ACAT2: variants seen among roughly 807,000 people sequenced by gnomAD.
ACAT2 encodes acetyl-CoA acetyltransferase, cytosolic.
Under a neutral mutation model 37.1 loss-of-function variants are expected in ACAT2, and 26 were observed. The observed-to-expected ratio is 0.70, with a 90% confidence interval of 0.51 to 0.97. ACAT2 has a LOEUF of 0.97. Among genes scored for constraint, ACAT2 ranks in the 50% least tolerant of loss-of-function variants. The pLI, the probability that ACAT2 is intolerant of heterozygous loss-of-function variation, is 0.00. For synonymous variants in ACAT2, 156 were observed against 163.6 expected, an observed-to-expected ratio of 0.95 and a Z score of 0.35; for missense variants, 468 against 489.0, an observed-to-expected ratio of 0.96 and a Z score of 0.40.
intron 1 of ACAT2, 26 bp from the exon 2 acceptor site, chr6:159,762,893 C>G: frequency 3.1e-6 from 5 of 1,605,586 alleles, no homozygotes; most frequent in Non-Finnish European, 4.3e-6. Flanking sequence ...CTTGTGATGT[C>G]CACGCTCTCC....
chr6:159,762,320 C>A (rs1562473872), intron 1 of ACAT2, 178 bp downstream of exon 1: 2 of 1,206,584 alleles, frequency 1.7e-6, no homozygotes, highest in Non-Finnish European at 2.2e-6. Context: ...CCTGGTGCTA[C>A]AGCCCCACCC....
rs1003184930 is a variant in ACAT2 at position 159,766,019 on chromosome 6, T to C, written c.191-986T>C. Among the ~76,000 whole-genome samples the C allele has an allele frequency of 3.9e-5, 6 of 152,238 alleles. 1 individual carries two copies. The South Asian group carries it at 1.2e-3, about 31-fold the overall frequency. ...GATAACAGACAATGGCGATTGAGAA[T>C]ATTTGAAACTTTTAACTCCATTCTC... On this transcript the variant is annotated intron_variant, in intron 2 of 8. Transcript: ENST00000367048.
Position 159,762,071 on chromosome 6 carries a change from G to T in ACAT2, c.-17G>T. ...GCTTGCAGGCAGCGCAGGGCAGACGGCGGCAGGAGAAGCAAGATGAATGCA... is the reference window on the plus strand; with the variant it reads ...GCTTGCAGGCAGCGCAGGGCAGACGTCGGCAGGAGAAGCAAGATGAATGCA... On this transcript the variant is annotated 5_prime_UTR_variant, in exon 1 of 9. Coordinates refer to ENST00000367048, the MANE Select transcript of ACAT2 (RefSeq NM_005891.3). 1 of 1,612,606 alleles carries T rather than the reference G, an allele frequency of 6.2e-7. No individual in the cohort carries two copies. The highest frequency in any genetic ancestry group is 8.5e-7 in the Non-Finnish European group (1 of 1,179,318).
intron 8 of ACAT2, 141 bp downstream of exon 8, chr6:159,778,421 G>T: frequency 8.5e-6 from 3 of 352,224 alleles, no homozygotes; most frequent in Admixed American, 6.4e-5. Context: ...ACTTCCCAAG[G>T]TTTAAAAAAA....
intron 5 of ACAT2, 134 bp from the exon 6 acceptor site, chr6:159,776,016 A>C: frequency 1.1e-6 from 1 of 944,184 alleles, no homozygotes; most frequent in Non-Finnish European, 1.6e-6. Flanking sequence ...TCCTGTTGTC[A>C]TCAAAGTGGT....
chr6:159,773,052 C>G (rs945720581), intron 4 of ACAT2, among the ~76,000 whole-genome samples: 7 of 151,940 alleles, frequency 4.6e-5, no homozygotes, highest in Non-Finnish European at 5.9e-5. Context: ...TGGGGTTTCA[C>G]CATGTTGCCC....
rs139616479 is a variant in ACAT2, at chr6:159,772,469, A to G, written c.491-2701A>G. ...AAGGCATCAATGGAATGAAATGGAG[A>G]AATTAAAGTCTTTTCAACAAATGGT... On this transcript the variant is annotated intron_variant, in intron 4 of 8. Coordinates refer to ENST00000367048, the MANE Select transcript of ACAT2 (RefSeq NM_005891.3). Among the ~76,000 whole-genome samples, 569 of 152,356 alleles carry G rather than the reference A, an allele frequency of 3.7e-3. 2 individuals carry two copies. Among genetic ancestry groups the G allele is most frequent in the Non-Finnish European group, 5.4e-3 (367 of 68,042 alleles).
At chr6:159,762,590 C>T in intron 1 of ACAT2, 1 of 1,374,218 alleles carries the variant, frequency 7.3e-7, no homozygotes, top group Non-Finnish European at 9.5e-7. Context: ...CTTCGTGCCG[C>T]ATGGTTTTCA....
At chr6:159,767,658 G>A (rs946890452) in intron 3 of ACAT2, among the ~76,000 whole-genome samples, 23 of 152,156 alleles carry the variant, frequency 1.5e-4, no homozygotes, top group Non-Finnish European at 2.5e-4. Context: ...TGCCAGGCAT[G>A]ATTTGTTTCA....
At chr6:159,778,021 T>C (rs1459079429) in intron 7 of ACAT2, 149 bp from the exon 8 acceptor site, 6 of 547,792 alleles carry the variant, frequency 1.1e-5, no homozygotes, top group East Asian at 3.1e-5. Context: ...AAGGCAAAAA[T>C]GTGTGAGAAT....
intron 2 of ACAT2, among the ~76,000 whole-genome samples, chr6:159,765,251 G>A (rs1484335239): frequency 6.6e-6 from 1 of 151,912 alleles, no homozygotes; most frequent in Non-Finnish European, 1.5e-5. Context: ...AAGTGACTGG[G>A]ATTACAGGTG....
rs1281792127 is a variant in ACAT2 at position 159,778,281 on chromosome 6, G to T, written c.1023+1G>T. On this transcript the variant is annotated splice_donor_variant, in intron 8 of 8. Coordinates refer to ENST00000367048, the MANE Select transcript of ACAT2 (RefSeq NM_005891.3). LOFTEE classifies it high-confidence loss of function. ...AGAACTTGGATTAAACCCAGAGAAG[G>T]TAAAGATGCACAAGTAACCCTGAGA... The T allele has an allele frequency of 6.3e-7, 1 of 1,590,772 alleles. No individual in the cohort carries two copies. Among genetic ancestry groups the T allele is most frequent in the Non-Finnish European group, 8.6e-7 (1 of 1,165,498 alleles).
chr6:159,773,459 T>TA (rs1388783199), intron 4 of ACAT2, among the ~76,000 whole-genome samples: 1 of 152,128 alleles, frequency 6.6e-6, no homozygotes, highest in East Asian at 1.9e-4. Flanking sequence ...GAAAAAATGC[T>TA]AAAAAATTAA....
At chr6:159,777,751 G>A (rs529805676) in intron 7 of ACAT2, among the ~76,000 whole-genome samples, 21 of 151,810 alleles carry the variant, frequency 1.4e-4, no homozygotes, top group Non-Finnish European at 2.5e-4. Context: ...GGTCTATGTC[G>A]CCCAGGCTGG....
In ACAT2 at chr6:159,778,424, T is replaced by A. The variant is rs10945634; in HGVS notation, c.1023+144T>A. ...ACTGAGTTCATTACTTCCCAAGGTT[T>A]AAAAAAAAAAAAAAAAAAAAAAAAA... is the stretch of plus-strand genomic sequence containing the variant. On this transcript the variant is annotated intron_variant, in intron 8 of 8. Transcript: ENST00000367048. 6,632 of 87,506 alleles carry A rather than the reference T, an allele frequency of 0.076. 227 individuals carry two copies. The highest frequency in any genetic ancestry group is 0.27 in the African/African-American group (3,150 of 11,770). 5.4% of individuals were successfully genotyped at this position (87,506 alleles called of 1,614,324 possible). A position where few individuals can be genotyped will look rare whatever the true frequency, so the allele number is the denominator to read the frequency against.
At position 159,778,794 on chromosome 6, in the gene ACAT2, G is replaced by GGGATGGGAATA; in HGVS notation, c.1161_1171dup (p.Ala391GlyfsTer4). 6.2e-7 allele frequency: 1 copy of GGGATGGGAATA among 1,614,162 alleles called. No homozygotes were observed. Among genetic ancestry groups the GGGATGGGAATA allele is most frequent in the Non-Finnish European group, 8.5e-7 (1 of 1,180,032 alleles). ...TGTTGCAGCCCTGTGCATTGGGGGT[G>GGGATGGGAATA]GGATGGGAATAGCAATGTGTGTTCA... On this transcript the variant is annotated frameshift_variant, in exon 9 of 9. Coordinates refer to ENST00000367048, the MANE Select transcript of ACAT2 (RefSeq NM_005891.3). LOFTEE classifies it high-confidence loss of function.
intron 1 of ACAT2, 31 bp downstream of exon 1, chr6:159,762,173 C>T (rs1423607022): frequency 4.4e-6 from 7 of 1,599,254 alleles, no homozygotes; most frequent in Admixed American, 1.7e-5. Flanking sequence ...GCGCAGAGTC[C>T]GAGGCGCCTG....
Position 159,767,136 on chromosome 6 carries a change from A to T in ACAT2, c.322A>T (p.Ile108Leu). The T allele has an allele frequency of 6.8e-6, 11 of 1,614,188 alleles. No individual in the cohort carries two copies. The highest frequency in any genetic ancestry group is 9.3e-6 in the Non-Finnish European group (11 of 1,180,012). Residue 108 changes from isoleucine (I) to leucine (L), a missense_variant, in exon 3 of 9, where the codon ATA becomes TTA. Coordinates refer to ENST00000367048, the MANE Select transcript of ACAT2 (RefSeq NM_005891.3). Reference sequence around the variant, plus strand: ...GTGCCTTGCAGTCCAGTCAATAGGGATAGGAGACTCCAGCATTGTGGTTGC... The same window carrying T: ...GTGCCTTGCAGTCCAGTCAATAGGGTTAGGAGACTCCAGCATTGTGGTTGC... The part of the protein sequence containing the change: ...AVCLAVQSIG[I>L]GDSSIVVAGG...
chr6:159,771,665 CAA>C (rs766556676), intron 4 of ACAT2, among the ~76,000 whole-genome samples: 34 of 143,754 alleles, frequency 2.4e-4, no homozygotes, highest in Middle Eastern at 3.4e-3. Flanking sequence ...AAAAAAAAAA[CAA>C]GAGTGAAAGT....
Sources: allele counts gnomAD v4.1 joint callset (sites outside exome capture counted in the v4.1 genomes callset), GRCh38; gene constraint gnomAD v4.1.1; transcripts MANE v1.5; gene names NCBI Gene and HGNC (gene_info 2026-07-23, HGNC 2026-07-21).